Variants in ABHD5 observed in about 807,000 individuals in gnomAD.
ABHD5 encodes abhydrolase domain containing 5, lysophosphatidic acid acyltransferase.
Under a neutral mutation model 44.9 loss-of-function variants are expected in ABHD5, and 30 were observed. That is an observed-to-expected ratio of 0.67 (90% CI 0.50 to 0.91). The LOEUF (loss-of-function observed/expected upper bound fraction) is 0.91, where lower values mean the gene tolerates loss of function less well. Among genes scored for constraint, ABHD5 ranks in the 40% least tolerant of loss-of-function variants. The probability of loss-of-function intolerance (pLI) is 0.00; values close to 1 mark genes in which losing one functional copy is unlikely to be tolerated. For missense variants in ABHD5, 399 were observed against 423.4 expected (o/e 0.94, Z 0.50); for synonymous variants, 167 against 147.0 (o/e 1.14, Z -0.99).
rs145281193 is a variant in ABHD5, at chr3:43,691,020, T to A, written c.28T>A (p.Ser10Thr). 20 of 1,564,430 alleles carry A rather than the reference T, an allele frequency of 1.3e-5. No homozygotes were observed. The African/African-American group carries it at 2.8e-4, about 22-fold the overall frequency. ...GGCGGCGGAGGAGGAGGAGGTGGAC[T>A]CTGCCGACACCGGAGAGAGGTAAGC... MAAEEEEVDSADTGERSGWL... is the reference protein window; with the variant it reads MAAEEEEVDTADTGERSGWL... The change falls in exon 1 of 7, where the codon TCT becomes ACT. Residue 10 changes from serine (S) to threonine (T), a missense_variant. Transcript: ENST00000644371.
rs1178656853 is a variant in ABHD5, at chr3:43,691,040, G to A, written c.47+1G>A. On this transcript the variant is annotated splice_donor_variant, in intron 1 of 6. Coordinates refer to ENST00000644371, the MANE Select transcript of ABHD5 (RefSeq NM_016006.6). LOFTEE classifies it high-confidence loss of function. The stretch of plus-strand genomic sequence containing the variant: ...TGGACTCTGCCGACACCGGAGAGAG[G>A]TAAGCGCAGCCGGCAGGGGGCTTCG... 5.1e-6 allele frequency: 8 copies of A among 1,556,164 alleles called. No homozygotes were observed. The highest frequency in any genetic ancestry group is 2.6e-5 in the East Asian group (1 of 38,252).
intron 1 of ABHD5, among the ~76,000 whole-genome samples, chr3:43,697,424 G>A (rs1473263082): frequency 1.3e-5 from 2 of 152,078 alleles, no homozygotes; most frequent in African/African-American, 4.8e-5. Context: ...CAATGGATGA[G>A]ATTGAGTTGT....
chr3:43,726,009 G>A (rs921451950), downstream of ABHD5, among the ~76,000 whole-genome samples: 1 of 152,000 alleles, frequency 6.6e-6, no homozygotes, highest in African/African-American at 2.4e-5. Flanking sequence ...GGGACTATAG[G>A]CGCCCACCAC....
In ABHD5 at chr3:43,702,569, CGCTGAA is replaced by C. The variant is rs2084557898; in HGVS notation, c.490_495del (p.Leu164_Lys165del). 1.2e-6 allele frequency: 2 copies of C among 1,614,188 alleles called. No homozygotes were observed. The highest frequency in any genetic ancestry group is 3.3e-5 in the Admixed American group (2 of 60,028). The stretch of plus-strand genomic sequence containing the variant: ...GGTGGATTCTTGGCTGCTGCTTACT[CGCTGAA>C]GTACCCATCAAGGTAAGTGGTGGTG... On this transcript the variant is annotated inframe_deletion, in exon 3 of 7. Coordinates refer to ENST00000644371, the MANE Select transcript of ABHD5 (RefSeq NM_016006.6).
chr3:43,713,322 CAAAAAA>C (rs78532050), intron 4 of ABHD5, among the ~76,000 whole-genome samples: 1 of 46,890 alleles, frequency 2.1e-5, no homozygotes, highest in Non-Finnish European at 4.5e-5. Flanking sequence ...GACCCTGTCT[CAAAAAA>C]AAAAAAAAAA....
rs760227234 is a variant in ABHD5, at chr3:43,690,960, G to A, written c.-33G>A. The stretch of plus-strand genomic sequence containing the variant: ...CCCAGTCGGCCTGTCAGCCGGCTTC[G>A]AGATAAGTCCCGGCGCTTGCGCGGC... On this transcript the variant is annotated 5_prime_UTR_variant, in exon 1 of 7. Coordinates refer to ENST00000644371, the MANE Select transcript of ABHD5 (RefSeq NM_016006.6). 2 of 1,556,192 alleles carry A rather than the reference G, an allele frequency of 1.3e-6. No individual in the cohort carries two copies. The highest frequency in any genetic ancestry group is 2.3e-5 in the South Asian group (2 of 85,582).
At chr3:43,726,648 C>T (rs1352234012), downstream of ABHD5, among the ~76,000 whole-genome samples, 6 of 152,218 alleles carry the variant, frequency 3.9e-5, no homozygotes, top group Non-Finnish European at 7.3e-5. Context: ...AAAATCAGAA[C>T]ACCACATCCT....
At chr3:43,695,378 G>T (rs1366787376) in intron 1 of ABHD5, among the ~76,000 whole-genome samples, 2 of 152,098 alleles carry the variant, frequency 1.3e-5, no homozygotes, top group African/African-American at 2.4e-5. Context: ...AAGCCTCATG[G>T]TTTCTTTAAA....
chr3:43,713,029 C>T (rs569613576), intron 4 of ABHD5, among the ~76,000 whole-genome samples: 152 of 151,980 alleles, frequency 1.0e-3, no homozygotes, highest in African/African-American at 3.6e-3. Flanking sequence ...AGAAAAGATG[C>T]GTTCTAACCA....
At chr3:43,697,055 A>G (rs1161867559) in intron 1 of ABHD5, among the ~76,000 whole-genome samples, 2 of 152,186 alleles carry the variant, frequency 1.3e-5, no homozygotes, top group African/African-American at 4.8e-5. Flanking sequence ...GCTGGTCACT[A>G]GAAGGCAAAT....
At chr3:43,733,252 TAAG>T (rs752286146) in intron 7 of ABHD5, among the ~76,000 whole-genome samples, 8 of 152,186 alleles carry the variant, frequency 5.3e-5, no homozygotes, top group Non-Finnish European at 1.2e-4. Flanking sequence ...TCATTCATAA[TAAG>T]GCCTGTCAGA....
At chr3:43,718,347 C>G (rs2084793794) in intron 6 of ABHD5, 96 bp from the exon 7 acceptor site, 2 of 949,014 alleles carry the variant, frequency 2.1e-6, no homozygotes, top group Non-Finnish European at 3.5e-6. Context: ...AATACAGTGG[C>G]TCTCACTTTT....
intron 1 of ABHD5, among the ~76,000 whole-genome samples, chr3:43,691,792 C>T (rs1015585733): frequency 4.6e-5 from 7 of 152,228 alleles, no homozygotes; most frequent in African/African-American, 1.4e-4. Context: ...GGCTTGCAAG[C>T]TCCACTGTCC....
chr3:43,711,555 A>G (rs1356287606), intron 3 of ABHD5, among the ~76,000 whole-genome samples, 154 bp from the exon 4 acceptor site: 1 of 152,270 alleles, frequency 6.6e-6, no homozygotes, highest in Non-Finnish European at 1.5e-5. Context: ...TTTACACAGA[A>G]TAAGAGCATG....
In ABHD5 at chr3:43,691,024, C is replaced by A; in HGVS notation, c.32C>A (p.Ala11Asp). Reference sequence around the variant, plus strand: ...GCGGAGGAGGAGGAGGTGGACTCTGCCGACACCGGAGAGAGGTAAGCGCAG... The same window carrying A: ...GCGGAGGAGGAGGAGGTGGACTCTGACGACACCGGAGAGAGGTAAGCGCAG... MAAEEEEVDSADTGERSGWLT... is the reference protein window; with the variant it reads MAAEEEEVDSDDTGERSGWLT... Residue 11 changes from alanine to aspartate, a missense_variant, in exon 1 of 7, where the codon GCC (alanine) becomes GAC (aspartate). Ala to Asp is a moderately radical substitution (Grantham distance 126, BLOSUM62 -2). Transcript: ENST00000644371. The A allele has an allele frequency of 6.4e-7, 1 of 1,562,494 alleles. No homozygotes were observed.
At position 43,711,732 on chromosome 3, in the gene ABHD5, A is replaced by G; in HGVS notation, c.530A>G (p.Glu177Gly). 6.2e-7 allele frequency: 1 copy of G among 1,614,158 alleles called. No individual in the cohort carries two copies. The highest frequency in any genetic ancestry group is 8.5e-7 in the Non-Finnish European group (1 of 1,180,020). The change falls in exon 4 of 7, where the codon GAG (glutamate) becomes GGG (glycine). Residue 177 changes from glutamate to glycine, a missense_variant. Coordinates refer to ENST00000644371, the MANE Select transcript of ABHD5 (RefSeq NM_016006.6). The part of the protein sequence containing the change: ...PSRVNHLILV[E>G]PWGFPERPDL... ...AGGGTTAATCATCTCATTTTAGTGG[A>G]GCCTTGGGGTTTCCCTGAACGACCA...
chr3:43,700,126 G>A (rs2084522605), intron 2 of ABHD5, among the ~76,000 whole-genome samples: 1 of 152,158 alleles, frequency 6.6e-6, no homozygotes, highest in African/African-American at 2.4e-5. Context: ...CAAGATCTTG[G>A]ACAAGTCACT....
chr3:43,713,536 G>C (rs1416041279), intron 4 of ABHD5, among the ~76,000 whole-genome samples: 1 of 151,972 alleles, frequency 6.6e-6, no homozygotes, highest in Non-Finnish European at 1.5e-5. Flanking sequence ...GCAGGACTTA[G>C]AGGAGGATAT....
intron 1 of ABHD5, among the ~76,000 whole-genome samples, 178 bp from the exon 2 acceptor site, chr3:43,699,098 T>A (rs1353119711): frequency 1.3e-5 from 2 of 152,252 alleles, no homozygotes; most frequent in African/African-American, 4.8e-5. Flanking sequence ...AAGTTGAATA[T>A]CTGTATCCCA....
Sources: allele counts gnomAD v4.1 joint callset (sites outside exome capture counted in the v4.1 genomes callset), GRCh38; gene constraint gnomAD v4.1.1; transcripts MANE v1.5; gene names NCBI Gene and HGNC (gene_info 2026-07-23, HGNC 2026-07-21).